ZSCAN1: variants seen among roughly 807,000 people sequenced by gnomAD.
The protein encoded by ZSCAN1 is zinc finger and SCAN domain-containing protein 1.
In ZSCAN1, 23 loss-of-function variants were observed where a neutral mutation model predicts 23.8. The ratio of observed to expected loss-of-function variants is 0.97; its 90% CI spans 0.70 to 1.37. The LOEUF (loss-of-function observed/expected upper bound fraction) is 1.37, where lower values mean the gene tolerates loss of function less well. ZSCAN1 is among the 40% of genes most tolerant of loss of function. The pLI is 0.00. For synonymous variants in ZSCAN1, 236 were observed against 232.3 expected (o/e 1.02, Z -0.15); for missense variants, 575 against 554.0 (o/e 1.04, Z -0.38).
chr19:58,045,198 G>C lies in ZSCAN1; in HGVS notation c.465+4654G>C, dbSNP rs917267439. 1 of 886,566 alleles carries C rather than the reference G, an allele frequency of 1.1e-6. No homozygotes were observed. The highest frequency in any genetic ancestry group is 1.6e-5 in the African/African-American group (1 of 60,876). 54.9% of individuals were successfully genotyped at this position (886,566 alleles called of 1,614,324 possible). A position where few individuals can be genotyped will look rare whatever the true frequency, so the allele number is the denominator to read the frequency against. ...CAGGCAGTTGCTCCGGTTCTGTGCC[G>C]ACCTCTTCCGCCTGGTGCCGTTCCT... On this transcript the variant is annotated intron_variant, in intron 4 of 5. Coordinates refer to ENST00000282326, the MANE Select transcript of ZSCAN1 (RefSeq NM_182572.4). This position sits in a 1 kb window ranked among gnomAD's most constrained non-coding sequence, Gnocchi z 4.3.
chr19:58,046,859 C>A, intron 4 of ZSCAN1: 1 of 645,186 alleles, frequency 1.5e-6, no homozygotes, highest in African/African-American at 1.8e-5. Flanking sequence ...AGTGGCTCAT[C>A]TAATACTTTG....
intron 4 of ZSCAN1, among the ~76,000 whole-genome samples, chr19:58,043,513 C>G (rs772647865): frequency 6.6e-6 from 1 of 152,206 alleles, no homozygotes; most frequent in Non-Finnish European, 1.5e-5. Context: ...CTGGGTGAGT[C>G]TGAGTGGTGA....
In ZSCAN1 at chr19:58,045,428, C is replaced by CA. The variant is rs1280255706; in HGVS notation, c.465+4885dup. 9.4e-7 allele frequency: 1 copy of CA among 1,066,694 alleles called. No homozygotes were observed. The allele number at this position is 1,066,694 out of a possible 1,614,324, so 66.1% of individuals were successfully genotyped here. A position where few individuals can be genotyped will look rare whatever the true frequency, so the allele number is the denominator to read the frequency against. ...AGAACGAGGCAGCCAAGGGCAGTGCCACCAAAGACTTCTCTGTGTTTTTCC... is the reference window on the plus strand; with the variant it reads ...AGAACGAGGCAGCCAAGGGCAGTGCCAACCAAAGACTTCTCTGTGTTTTTCC... On this transcript the variant is annotated intron_variant, in intron 4 of 5. Coordinates refer to ENST00000282326, the MANE Select transcript of ZSCAN1 (RefSeq NM_182572.4). The surrounding 1 kb of genome is among the most constrained non-coding windows in gnomAD (Gnocchi z 4.3).
In ZSCAN1 at chr19:58,045,783, G is replaced by C. The variant is rs745423748; in HGVS notation, c.465+5239G>C. On this transcript the variant is annotated intron_variant, in intron 4 of 5. Coordinates refer to ENST00000282326, the MANE Select transcript of ZSCAN1 (RefSeq NM_182572.4). This position sits in a 1 kb window ranked among gnomAD's most constrained non-coding sequence, Gnocchi z 4.3. ...TGAAGCAGTGGCTGGACCTGCACCT[G>C]CATCAGGAGATCCCCACATCGCTGC... 3.2e-6 allele frequency: 5 copies of C among 1,558,358 alleles called. No homozygotes were observed. Among genetic ancestry groups the C allele is most frequent in the Non-Finnish European group, 3.5e-6 (4 of 1,130,292 alleles).
intron 5 of ZSCAN1, 114 bp downstream of exon 5, chr19:58,052,742 C>T: frequency 1.4e-6 from 2 of 1,415,814 alleles, no homozygotes; most frequent in Non-Finnish European, 1.9e-6. Flanking sequence ...GAACTCCACA[C>T]TTCCCCCAGA....
At chr19:58,036,767 A>G (rs1188885360) in intron 2 of ZSCAN1, among the ~76,000 whole-genome samples, 1 of 152,006 alleles carries the variant, frequency 6.6e-6, no homozygotes, top group South Asian at 2.1e-4. Flanking sequence ...GCTTACTGCA[A>G]CCTCTGTTTC....
At chr19:58,052,348 A>G (rs2073862275) in intron 4 of ZSCAN1, 142 bp from the exon 5 acceptor site, 2 of 1,381,396 alleles carry the variant, frequency 1.4e-6, no homozygotes, top group African/African-American at 1.4e-5. Context: ...ATCCCAAAGC[A>G]CGGGAACAAC....
rs1404542319 is a variant in ZSCAN1, at chr19:58,054,006, C to T, written c.1182C>T (p.His394=). ...VCGKAFPWMV[H]LIDHQKLHTA... ...GGAAGGCCTTCCCCTGGATGGTCCA[C>T]CTCATTGACCACCAGAAGCTCCACA... The change falls in exon 6 of 6, where the codon CAC becomes CAT. Residue 394 remains histidine (H), a synonymous_variant. Transcript: ENST00000282326. This position sits in a 1 kb window ranked among gnomAD's most constrained non-coding sequence, Gnocchi z 4.2. The T allele has an allele frequency of 5.1e-6, 8 of 1,557,266 alleles. No individual in the cohort carries two copies. Among genetic ancestry groups the T allele is most frequent in the Non-Finnish European group, 6.9e-6 (8 of 1,151,990 alleles).
chr19:58,045,618 G>A lies in ZSCAN1; in HGVS notation c.465+5074G>A, dbSNP rs973527311. The A allele has an allele frequency of 1.0e-6, 1 of 972,516 alleles. No individual in the cohort carries two copies. The highest frequency in any genetic ancestry group is 1.7e-6 in the Non-Finnish European group (1 of 594,710). The allele number at this position is 972,516 out of a possible 1,614,324, so 60.2% of individuals were successfully genotyped here. On this transcript the variant is annotated intron_variant, in intron 4 of 5. Coordinates refer to ENST00000282326, the MANE Select transcript of ZSCAN1 (RefSeq NM_182572.4). The surrounding 1 kb of genome is among the most constrained non-coding windows in gnomAD (Gnocchi z 4.3). ...TCCTGCGCTTCCAGCTCACGATGCG[G>A]CTGCGCTCCATAAAGGCAGAGGACA...
chr19:58,037,859 C>A lies in ZSCAN1; in HGVS notation c.23C>A (p.Pro8His). MLPRPKA[P>H]ASPRRPQTPT... ...GAAATGCTTCCACGGCCCAAAGCCCCTGCCTCCCCCAGACGCCCCCAGACC... is the reference window on the plus strand; with the variant it reads ...GAAATGCTTCCACGGCCCAAAGCCCATGCCTCCCCCAGACGCCCCCAGACC... The change falls in exon 3 of 6, where the codon CCT becomes CAT. Residue 8 changes from proline (P) to histidine (H), a missense_variant. Transcript: ENST00000282326. 2 of 1,511,988 alleles carry A rather than the reference C, an allele frequency of 1.3e-6. No homozygotes were observed. Among genetic ancestry groups the A allele is most frequent in the East Asian group, 2.4e-5 (1 of 41,902 alleles). 93.7% of individuals were successfully genotyped at this position (1,511,988 alleles called of 1,614,324 possible).
chr19:58,054,077 C>G lies in ZSCAN1; in HGVS notation c.*26C>G. On this transcript the variant is annotated 3_prime_UTR_variant, in exon 6 of 6. Transcript: ENST00000282326. The surrounding 1 kb of genome is among the most constrained non-coding windows in gnomAD (Gnocchi z 4.2). ...ATGGCCAGCCTCGGGCCTCGGCCAC[C>G]CGGCCCTGAGTCCCTGGGGGGAGCT... The G allele has an allele frequency of 1.4e-6, 2 of 1,464,244 alleles. No homozygotes were observed. The highest frequency in any genetic ancestry group is 1.8e-6 in the Non-Finnish European group (2 of 1,109,538). The allele number at this position is 1,464,244 out of a possible 1,614,324, so 90.7% of individuals were successfully genotyped here. A position where few individuals can be genotyped will look rare whatever the true frequency, so the allele number is the denominator to read the frequency against.
intron 4 of ZSCAN1, among the ~76,000 whole-genome samples, chr19:58,052,061 C>T (rs763226570): frequency 2.6e-5 from 4 of 152,204 alleles, no homozygotes; most frequent in Non-Finnish European, 4.4e-5. Context: ...CCTTGGGGGA[C>T]GGGAGTTAGG....
chr19:58,052,743 T>G (rs923805556), intron 5 of ZSCAN1, 115 bp downstream of exon 5: 4 of 1,408,792 alleles, frequency 2.8e-6, no homozygotes, highest in African/African-American at 1.4e-5. Flanking sequence ...AACTCCACAC[T>G]TCCCCCAGAA....
rs2073818921 is a variant in ZSCAN1 at position 58,045,462 on chromosome 19, C to T, written c.465+4918C>T. The T allele has an allele frequency of 6.5e-6, 8 of 1,223,174 alleles. No individual in the cohort carries two copies. The highest frequency in any genetic ancestry group is 1.7e-5 in the Admixed American group (1 of 59,500). 75.8% of individuals were successfully genotyped at this position (1,223,174 alleles called of 1,614,324 possible). On this transcript the variant is annotated intron_variant, in intron 4 of 5. Coordinates refer to ENST00000282326, the MANE Select transcript of ZSCAN1 (RefSeq NM_182572.4). The surrounding 1 kb of genome is among the most constrained non-coding windows in gnomAD (Gnocchi z 4.3). The stretch of plus-strand genomic sequence containing the variant: ...CTTCTCTGTGTTTTTCCAGAAGATC[C>T]GGGAGACGGGGGAGAGGCCCAGCAA...
At position 58,038,429 on chromosome 19, in the gene ZSCAN1, C is replaced by T. The variant is rs2073758373; in HGVS notation, c.370+223C>T. On this transcript the variant is annotated intron_variant, in intron 3 of 5. Transcript: ENST00000282326. ...TCTCACTCAGTCGGTGATTAAAGAT[C>T]CCTCCATTTCCCATGCGTCCATCTG... 1.6e-5 allele frequency: 10 copies of T among 629,118 alleles called. No homozygotes were observed. In the South Asian group the frequency reaches 1.9e-4, roughly 12 times the overall value. 39.0% of individuals were successfully genotyped at this position (629,118 alleles called of 1,614,324 possible). A position where few individuals can be genotyped will look rare whatever the true frequency, so the allele number is the denominator to read the frequency against.
At chr19:58,052,753 A>G (rs2073866192) in intron 5 of ZSCAN1, 125 bp downstream of exon 5, 3 of 1,339,144 alleles carry the variant, frequency 2.2e-6, no homozygotes, top group Non-Finnish European at 3.0e-6. Flanking sequence ...TTCCCCCAGA[A>G]AGCATGCACA....
rs2073819482 is a variant in ZSCAN1 at position 58,045,528 on chromosome 19, C to G, written c.465+4984C>G. ...TTTTTCCAAATTATTTGAGGATGAG[C>G]TGACCCTTGACAACCTGACACGGCC... On this transcript the variant is annotated intron_variant, in intron 4 of 5. Coordinates refer to ENST00000282326, the MANE Select transcript of ZSCAN1 (RefSeq NM_182572.4). The surrounding 1 kb of genome is among the most constrained non-coding windows in gnomAD (Gnocchi z 4.3). 4.3e-6 allele frequency: 6 copies of G among 1,385,664 alleles called. No homozygotes were observed. In the South Asian group the frequency reaches 6.9e-5, roughly 16 times the overall value. 85.8% of individuals were successfully genotyped at this position (1,385,664 alleles called of 1,614,324 possible).
In ZSCAN1 at chr19:58,052,961, CTT is replaced by C. The variant is rs35923365; in HGVS notation, c.604+347_604+348del. ...TGGGATCTGCTCCCAAAACATGTGC[CTT>C]TTTTTTTTTTTTTCGAGACAGAGTC... is the stretch of plus-strand genomic sequence containing the variant. On this transcript the variant is annotated intron_variant, in intron 5 of 5. Coordinates refer to ENST00000282326, the MANE Select transcript of ZSCAN1 (RefSeq NM_182572.4). Among the ~76,000 whole-genome samples, 508 of 138,124 alleles carry C rather than the reference CTT, an allele frequency of 3.7e-3. 1 individual carries two copies. The highest frequency in any genetic ancestry group is 4.4e-3 in the African/African-American group (166 of 37,396). The allele number at this position is 138,124 out of a possible 152,430, so 90.6% of individuals were successfully genotyped here.
chr19:58,038,117 T>A lies in ZSCAN1; in HGVS notation c.281T>A (p.Met94Lys), dbSNP rs202045043. 1.1e-4 allele frequency: 177 copies of A among 1,610,648 alleles called. No homozygotes were observed. The highest frequency in any genetic ancestry group is 5.2e-5 in the Non-Finnish European group (61 of 1,179,714). Residue 94 changes from methionine (M) to lysine (K), a missense_variant, in exon 3 of 6, where the codon ATG (methionine) becomes AAG (lysine). Transcript: ENST00000282326. ...EQFLGALPSKMRTWVQSQGPR... is the reference protein window; with the variant it reads ...EQFLGALPSKKRTWVQSQGPR... ...TTCCTGGGCGCGCTGCCCAGCAAGATGCGGACCTGGGTGCAGTCACAGGGC... is the reference window on the plus strand; with the variant it reads ...TTCCTGGGCGCGCTGCCCAGCAAGAAGCGGACCTGGGTGCAGTCACAGGGC...
Sources: gnomAD v4.1 joint callset for allele counts (sites outside exome capture counted in the v4.1 genomes callset) on GRCh38, gnomAD v4.1.1 for gene constraint, Gnocchi (gnomAD v3.1) non-coding constraint, MANE v1.5 for transcripts, NCBI Gene and HGNC (gene_info 2026-07-23, HGNC 2026-07-21) for gene names.